Variants in WWOX observed in about 807,000 individuals in gnomAD.
The protein encoded by WWOX is WW domain-containing oxidoreductase.
A neutral mutation model predicts 46.2 loss-of-function variants in WWOX; 69 were observed. The observed-to-expected ratio is 1.49, with a 90% confidence interval of 1.23 to 1.82. The LOEUF (loss-of-function observed/expected upper bound fraction) is 1.82. Ranked by LOEUF, WWOX falls within the 40% of genes most tolerant of loss-of-function variation. The probability of loss-of-function intolerance (pLI) is 0.00; values close to 1 mark genes in which losing one functional copy is unlikely to be tolerated. For missense variants in WWOX, 919 were observed against 542.6 expected (o/e 1.69, Z -6.89); for synonymous variants, 359 against 202.6 (o/e 1.77, Z -6.56).
chr16:78,673,085 T>A (rs1299872909), intron 8 of WWOX, among the ~76,000 whole-genome samples: 1 of 152,170 alleles, frequency 6.6e-6, no homozygotes, highest in African/African-American at 2.4e-5. Flanking sequence ...CTTAGAGGGC[T>A]CAGAGGGAAA....
intron 8 of WWOX, among the ~76,000 whole-genome samples, chr16:79,209,380 T>C (rs1197756686): frequency 6.6e-6 from 1 of 152,200 alleles, no homozygotes; most frequent in Non-Finnish European, 1.5e-5. Context: ...AAATATTTTA[T>C]CAGGTTAGGA....
rs557589735 is a variant in WWOX, at chr16:79,181,080, C to G, written c.1057-30528C>G. ...TATGAATATATAAGAAGAAAACGCT[C>G]GTAATTTATGCTCTACCTCTTCCCT... On this transcript the variant is annotated intron_variant, in intron 8 of 8. Transcript: ENST00000566780. Among the ~76,000 whole-genome samples the G allele has an allele frequency of 3.1e-4, 47 of 152,224 alleles. 1 individual carries two copies. In the South Asian group the frequency reaches 5.6e-3, roughly 18 times the overall value.
At chr16:78,975,441 C>T (rs934515792) in intron 8 of WWOX, among the ~76,000 whole-genome samples, 11 of 151,680 alleles carry the variant, frequency 7.3e-5, no homozygotes, top group Non-Finnish European at 7.4e-5. Context: ...AAACCTTGGC[C>T]TAGAGGGTTC....
At chr16:79,088,421 G>A (rs1421050472) in intron 8 of WWOX, among the ~76,000 whole-genome samples, 1 of 152,190 alleles carries the variant, frequency 6.6e-6, no homozygotes, top group Non-Finnish European at 1.5e-5. Context: ...AACACCGTAG[G>A]TCTGGCCCTG....
chr16:78,600,880 A>G (rs1477327125), intron 8 of WWOX, among the ~76,000 whole-genome samples: 2 of 152,154 alleles, frequency 1.3e-5, no homozygotes, highest in Non-Finnish European at 2.9e-5. Flanking sequence ...CTATCGTGAC[A>G]GGGAGAAGCC....
chr16:78,925,940 G>A (rs1223018651), intron 8 of WWOX, among the ~76,000 whole-genome samples: 1 of 152,190 alleles, frequency 6.6e-6, no homozygotes, highest in Non-Finnish European at 1.5e-5. Context: ...GACCATGAAT[G>A]CGATTGGGCA....
chr16:78,520,265 A>T (rs1312313174), intron 8 of WWOX, among the ~76,000 whole-genome samples: 3 of 152,212 alleles, frequency 2.0e-5, no homozygotes, highest in Non-Finnish European at 4.4e-5. Flanking sequence ...AGAGAGCCAA[A>T]GTCTTGATAG....
intron 8 of WWOX, among the ~76,000 whole-genome samples, chr16:78,990,028 A>G (rs1437665782): frequency 6.6e-6 from 1 of 151,860 alleles, no homozygotes; most frequent in Admixed American, 6.6e-5. Flanking sequence ...TACAAAAAAT[A>G]CAAAAATTAG....
chr16:78,386,582 C>T (rs2082065246), intron 5 of WWOX, among the ~76,000 whole-genome samples: 1 of 152,122 alleles, frequency 6.6e-6, no homozygotes, highest in Non-Finnish European at 1.5e-5. Context: ...CCCGAAGCGC[C>T]TTTGCAGCCT....
intron 8 of WWOX, among the ~76,000 whole-genome samples, chr16:78,782,505 C>G (rs909614229): frequency 3.9e-5 from 6 of 152,116 alleles, no homozygotes; most frequent in African/African-American, 1.4e-4. Context: ...GAAAAATCAT[C>G]CAAACTACTT....
intron 8 of WWOX, among the ~76,000 whole-genome samples, chr16:78,800,178 CTG>C (rs1221210866): frequency 6.6e-6 from 1 of 151,718 alleles, no homozygotes; most frequent in Admixed American, 6.6e-5. Context: ...TGTATTAAAA[CTG>C]AGAAGGAGAA....
chr16:78,572,099 G>T (rs1026958535), intron 8 of WWOX, among the ~76,000 whole-genome samples: 1 of 152,178 alleles, frequency 6.6e-6, no homozygotes, highest in African/African-American at 2.4e-5. Context: ...TAGAGAAACT[G>T]TTGAGAACTA....
At chr16:79,187,615 C>T (rs929000615) in intron 8 of WWOX, among the ~76,000 whole-genome samples, 1 of 152,228 alleles carries the variant, frequency 6.6e-6, no homozygotes. Flanking sequence ...CCATGTTGGC[C>T]AGGCTGGTCT....
intron 8 of WWOX, among the ~76,000 whole-genome samples, chr16:79,202,128 T>G (rs1345431793): frequency 6.6e-6 from 1 of 152,224 alleles, no homozygotes; most frequent in Non-Finnish European, 1.5e-5. Context: ...ATGGCCGCTT[T>G]CACAACAATA....
intron 8 of WWOX, among the ~76,000 whole-genome samples, chr16:79,046,440 A>G (rs549820777): frequency 6.6e-6 from 1 of 152,172 alleles, no homozygotes; most frequent in Non-Finnish European, 1.5e-5. Flanking sequence ...CAATTGTTTT[A>G]CATGGTTCTG....
chr16:79,173,163 G>A (rs2050734294), intron 8 of WWOX, among the ~76,000 whole-genome samples: 1 of 152,196 alleles, frequency 6.6e-6, no homozygotes, highest in African/African-American at 2.4e-5. Flanking sequence ...CTCTGGGCCT[G>A]TGTCCATAGG....
Position 78,345,251 on chromosome 16 carries a change from C to G in WWOX, c.517-41609C>G, listed in dbSNP as rs1298876270. 1.7e-5 allele frequency among the ~76,000 whole-genome samples: 2 copies of G among 114,408 alleles called. 1 individual carries two copies. Among genetic ancestry groups the G allele is most frequent in the Non-Finnish European group, 4.1e-5 (2 of 48,552 alleles). 75.1% of individuals were successfully genotyped at this position (114,408 alleles called of 152,430 possible). ...GCTAACCTCTCTGGACATCGTATTC[C>G]TCATCTATAAAAGGGAGACTTCAAT... On this transcript the variant is annotated intron_variant, in intron 5 of 8. Transcript: ENST00000566780.
Position 78,999,330 on chromosome 16 carries a change from C to G in WWOX, c.1057-212278C>G, listed in dbSNP as rs554135559. On this transcript the variant is annotated intron_variant, in intron 8 of 8. Coordinates refer to ENST00000566780, the MANE Select transcript of WWOX (RefSeq NM_016373.4). ...TACTAAAAATACAAAATTAGCCAGG[C>G]GTAGTGGCACATGCCTGTAATCCCA... Among the ~76,000 whole-genome samples the G allele has an allele frequency of 5.9e-5, 9 of 152,060 alleles. No homozygotes were observed. In the South Asian group the frequency reaches 1.9e-3, roughly 32 times the overall value.
chr16:78,704,622 C>T (rs1424415904), intron 8 of WWOX, among the ~76,000 whole-genome samples: 2 of 152,174 alleles, frequency 1.3e-5, no homozygotes, highest in Non-Finnish European at 2.9e-5. Context: ...TAAAATTAGT[C>T]ATGCATTCTT....
Sources: gnomAD v4.1 joint callset for allele counts (sites outside exome capture counted in the v4.1 genomes callset) on GRCh38, gnomAD v4.1.1 for gene constraint, MANE v1.5 for transcripts, NCBI Gene and HGNC (gene_info 2026-07-23, HGNC 2026-07-21) for gene names.